ULK2: variants seen among roughly 807,000 people sequenced by gnomAD.
ULK2 encodes serine/threonine-protein kinase ULK2.
Under a neutral mutation model 127.5 loss-of-function variants are expected in ULK2, and 76 were observed. The ratio of observed to expected loss-of-function variants is 0.60; its 90% CI spans 0.50 to 0.72. ULK2 has a LOEUF of 0.72. ULK2 is among the 30% of genes least tolerant of loss of function. ULK2 has a pLI of 0.00. For missense variants in ULK2, 1,144 were observed against 1,295.9 expected (o/e 0.88, Z 1.80); for synonymous variants, 452 against 461.9 (o/e 0.98, Z 0.28).
chr17:19,827,325 C>G (rs1172648520), intron 10 of ULK2, among the ~76,000 whole-genome samples: 1 of 152,158 alleles, frequency 6.6e-6, no homozygotes, highest in Non-Finnish European at 1.5e-5. Context: ...GGCCATGTTT[C>G]TTGTCCAATG....
chr17:19,853,822 C>T (rs1259814856), intron 3 of ULK2, among the ~76,000 whole-genome samples: 4 of 151,332 alleles, frequency 2.6e-5, no homozygotes, highest in African/African-American at 7.3e-5. Context: ...CCCCCCGCCT[C>T]GGCCTCCCAA....
rs1165552157 is a variant in ULK2, at chr17:19,813,544, G to A, written c.1097-3106C>T. On this transcript the variant is annotated intron_variant, in intron 13 of 26. Coordinates refer to ENST00000395544, the MANE Select transcript of ULK2 (RefSeq NM_014683.4). Reference sequence around the variant, plus strand: ...TATAACTGTTTTAAACATCTTGTATGTATGATACATTTCACAATAGCACAT... The same window carrying A: ...TATAACTGTTTTAAACATCTTGTATATATGATACATTTCACAATAGCACAT... Among the ~76,000 whole-genome samples, 8 of 152,224 alleles carry A rather than the reference G, an allele frequency of 5.3e-5. No homozygotes were observed. The East Asian group carries it at 1.5e-3, about 29-fold the overall frequency.
At chr17:19,847,036 T>C (rs890488550) in intron 5 of ULK2, 126 bp from the exon 6 acceptor site, 1 of 863,486 alleles carries the variant, frequency 1.2e-6, no homozygotes, top group Non-Finnish European at 1.6e-6. Context: ...TTCACATTTA[T>C]TTATTTTTTT....
intron 5 of ULK2, among the ~76,000 whole-genome samples, chr17:19,847,434 C>G (rs911977453): frequency 6.6e-6 from 1 of 152,148 alleles, no homozygotes; most frequent in Non-Finnish European, 1.5e-5. Context: ...ATCTCCCACA[C>G]CCCCGTCCCA....
rs777586825 is a variant in ULK2, at chr17:19,780,508, A to G, written c.2880T>C (p.Thr960=). 1 of 1,613,482 alleles carries G rather than the reference A, an allele frequency of 6.2e-7. No homozygotes were observed. Among genetic ancestry groups the G allele is most frequent in the East Asian group, 2.2e-5 (1 of 44,816 alleles). The part of the protein sequence containing the change: ...QRFIDEINSV[T]AEKLIYNCAV... ...CACAATTATAGATGAGTTTCTCTGC[A>G]GTCACACTGTTGATTTCATCAATAA... Residue 960 remains threonine (T), a synonymous_variant, in exon 25 of 27, where the codon ACT becomes ACC. Coordinates refer to ENST00000395544, the MANE Select transcript of ULK2 (RefSeq NM_014683.4).
In ULK2 at chr17:19,780,474, T is replaced by C; in HGVS notation, c.2914A>G (p.Met972Val). 1 of 1,609,050 alleles carries C rather than the reference T, an allele frequency of 6.2e-7. No individual in the cohort carries two copies. Among genetic ancestry groups the C allele is most frequent in the South Asian group, 1.1e-5 (1 of 89,612 alleles). The change falls in exon 25 of 27, where the codon ATG becomes GTG. Residue 972 changes from methionine (M) to valine (V), a missense_variant and splice_region_variant. Coordinates refer to ENST00000395544, the MANE Select transcript of ULK2 (RefSeq NM_014683.4). ...EKLIYNCAVE[M>V]VQSAALDEMF... ...TATTAAACCTTAGAAAGGGTTACCA[T>C]TTCTACAGCACAATTATAGATGAGT...
Position 19,825,143 on chromosome 17 carries a change from G to A in ULK2, c.875C>T (p.Ser292Phe). 4 of 1,614,196 alleles carry A rather than the reference G, an allele frequency of 2.5e-6. No homozygotes were observed. The South Asian group carries it at 3.3e-5, about 13-fold the overall frequency. The change falls in exon 12 of 27, where the codon TCT becomes TTT. Residue 292 changes from serine to phenylalanine, a missense_variant. Physicochemically the swap from Ser to Phe is radical, Grantham distance 155 (BLOSUM62 -2). Around this residue, in one of 2 missense-constraint regions of ULK2, gnomAD observed 913 missense variants for 970.5 expected, o/e 0.94. Coordinates refer to ENST00000395544, the MANE Select transcript of ULK2 (RefSeq NM_014683.4). ...TGGAGAGCTGCCACAGGAGCTTCCA[G>A]AGACAGAACCAGAATACATGGGCAC... ...VPVPMYSGSV[S>F]GSSCGSSPSC... is the part of the protein sequence containing the mutation.
At chr17:19,861,707 C>A (rs1274735131) in intron 3 of ULK2, among the ~76,000 whole-genome samples, 1 of 152,220 alleles carries the variant, frequency 6.6e-6, no homozygotes, top group Non-Finnish European at 1.5e-5. Context: ...TGCCCTCTAT[C>A]TACAGAGACT....
intron 9 of ULK2, among the ~76,000 whole-genome samples, chr17:19,838,955 C>T (rs1480449682): frequency 6.6e-5 from 10 of 151,142 alleles, no homozygotes; most frequent in African/African-American, 1.5e-4. Flanking sequence ...GGCATAAACC[C>T]GGGAGGTGGA....
At chr17:19,797,753 G>T in intron 17 of ULK2, 71 bp from the exon 18 acceptor site, 1 of 1,285,722 alleles carries the variant, frequency 7.8e-7, no homozygotes, top group South Asian at 2.3e-5. Context: ...AAATTAAGAA[G>T]ACAATTTTTA....
rs1491246393 is a variant in ULK2 at position 19,814,439 on chromosome 17, T to TACA, written c.1096+2309_1096+2310insTGT. Among the ~76,000 whole-genome samples, 92 of 9,986 alleles carry TACA rather than the reference T, an allele frequency of 9.2e-3. 2 individuals are homozygous for TACA. Among genetic ancestry groups the TACA allele is most frequent in the African/African-American group, 0.018 (87 of 4,742 alleles). 6.6% of individuals were successfully genotyped at this position (9,986 alleles called of 152,430 possible). On this transcript the variant is annotated intron_variant, in intron 13 of 26. Coordinates refer to ENST00000395544, the MANE Select transcript of ULK2 (RefSeq NM_014683.4). Reference sequence around the variant, plus strand: ...ATATATATATATATATATATATATATTTTTTTTTTTTTTTTTTTTTTTTTG... The same window carrying TACA: ...ATATATATATATATATATATATATATACATTTTTTTTTTTTTTTTTTTTTTTTG...
chr17:19,862,755 C>A (rs939778515), intron 3 of ULK2, among the ~76,000 whole-genome samples: 1 of 152,030 alleles, frequency 6.6e-6, no homozygotes, highest in African/African-American at 2.4e-5. Context: ...TATAAGCTAC[C>A]GTGCCCAGCT....
chr17:19,851,051 G>A (rs1345076330), intron 3 of ULK2, among the ~76,000 whole-genome samples: 1 of 151,370 alleles, frequency 6.6e-6, no homozygotes, highest in Non-Finnish European at 1.5e-5. Context: ...AGTGGCTCAT[G>A]CCTGTAATCC....
chr17:19,777,607 G>A lies in ULK2; in HGVS notation c.3026C>T (p.Pro1009Leu), dbSNP rs151011483. The A allele has an allele frequency of 6.2e-7, 1 of 1,609,620 alleles. No individual in the cohort carries two copies. The highest frequency in any genetic ancestry group is 2.2e-5 in the East Asian group (1 of 44,862). Residue 1009 changes from proline to leucine, a missense_variant, in exon 26 of 27, where the codon CCT (proline) becomes CTT (leucine). By Grantham distance (98) the Pro-to-Leu change is moderately conservative (BLOSUM62 -3). Coordinates refer to ENST00000395544, the MANE Select transcript of ULK2 (RefSeq NM_014683.4). ...TTTATGCACATTTTCAATATCTGCA[G>A]GGTCCTGTAGAATCCTACTTAGGCC... is the stretch of plus-strand genomic sequence containing the variant. The part of the protein sequence containing the change: ...LEGLSRILQD[P>L]ADIENVHKYK...
chr17:19,806,827 A>G (rs2087526253), intron 14 of ULK2, among the ~76,000 whole-genome samples: 1 of 152,196 alleles, frequency 6.6e-6, no homozygotes, highest in Admixed American at 6.5e-5. Flanking sequence ...GACCCATATG[A>G]AATACTTGAA....
intron 13 of ULK2, 81 bp from the exon 14 acceptor site, chr17:19,810,519 G>A: frequency 1.2e-6 from 1 of 833,744 alleles, no homozygotes; most frequent in Non-Finnish European, 1.9e-6. Flanking sequence ...ATGATTATTA[G>A]GATTTCATGC....
chr17:19,791,666 C>T (rs963503332), intron 20 of ULK2, among the ~76,000 whole-genome samples: 1 of 151,900 alleles, frequency 6.6e-6, no homozygotes, highest in Non-Finnish European at 1.5e-5. Context: ...GCCTGGGCAA[C>T]AGAGCGAAAC....
At chr17:19,785,159 T>C (rs908296463) in intron 21 of ULK2, among the ~76,000 whole-genome samples, 1 of 152,144 alleles carries the variant, frequency 6.6e-6, no homozygotes, top group African/African-American at 2.4e-5. Context: ...TATATAGGAT[T>C]AAGTGCAAAG....
At chr17:19,797,370 C>G (rs746695954) in intron 18 of ULK2, 26 bp downstream of exon 18, 1 of 1,593,308 alleles carries the variant, frequency 6.3e-7, no homozygotes, top group East Asian at 2.2e-5. Flanking sequence ...CAGTTCCTGA[C>G]CTACAAAAGG....
Sources: gnomAD v4.1 joint callset for allele counts (sites outside exome capture counted in the v4.1 genomes callset) on GRCh38, gnomAD v4.1.1 for gene constraint, gnomAD v4.1.1 regional missense constraint, MANE v1.5 for transcripts, NCBI Gene and HGNC (gene_info 2026-07-23, HGNC 2026-07-21) for gene names.